Variants in SORCS1 observed in about 807,000 individuals in gnomAD.
SORCS1 encodes the protein VPS10 domain-containing receptor SorCS1.
A neutral mutation model predicts 146.1 loss-of-function variants in SORCS1; 60 were observed. The observed-to-expected ratio is 0.41, with a 90% CI of 0.33 to 0.51. SORCS1 has a LOEUF of 0.51. Ranked by LOEUF, SORCS1 falls within the 20% of genes least tolerant of loss-of-function variation. SORCS1 has a pLI of 0.21. For synonymous variants in SORCS1, 637 were observed against 584.0 expected (o/e 1.09, Z -1.31); for missense variants, 1,352 against 1,487.6 (o/e 0.91, Z 1.50).
chr10:106,957,477 T>C (rs769886133), intron 1 of SORCS1, among the ~76,000 whole-genome samples: 2 of 152,106 alleles, frequency 1.3e-5, no homozygotes, highest in Non-Finnish European at 2.9e-5. Context: ...TGGCCTAGCA[T>C]AGGATTCTTA....
intron 1 of SORCS1, among the ~76,000 whole-genome samples, chr10:107,058,310 G>A (rs544158235): frequency 1.6e-4 from 24 of 152,124 alleles, no homozygotes; most frequent in African/African-American, 5.5e-4. Context: ...CAAAGTGCTG[G>A]GATTACAGCC....
At chr10:106,863,746 A>G (rs1950115991) in intron 2 of SORCS1, among the ~76,000 whole-genome samples, 1 of 151,740 alleles carries the variant, frequency 6.6e-6, no homozygotes, top group Non-Finnish European at 1.5e-5. Context: ...CCATCACACT[A>G]GACACACTGA....
intron 1 of SORCS1, among the ~76,000 whole-genome samples, chr10:107,145,276 G>A (rs1243872597): frequency 6.6e-6 from 1 of 152,214 alleles, no homozygotes; most frequent in African/African-American, 2.4e-5. Context: ...AAAAGCGAAT[G>A]TGACTGAATT....
At chr10:106,950,059 G>A (rs955155900) in intron 2 of SORCS1, among the ~76,000 whole-genome samples, 3 of 152,100 alleles carry the variant, frequency 2.0e-5, no homozygotes, top group African/African-American at 7.2e-5. Flanking sequence ...AAACCACCAC[G>A]CTCTCCAATT....
intron 1 of SORCS1, among the ~76,000 whole-genome samples, chr10:107,153,069 C>T (rs1212827464): frequency 2.6e-5 from 4 of 151,922 alleles, no homozygotes; most frequent in Middle Eastern, 3.2e-3. Context: ...CTTCTCCCTC[C>T]TTCCCTCTCC....
intron 9 of SORCS1, among the ~76,000 whole-genome samples, chr10:106,691,191 G>A (rs1049287809): frequency 4.6e-5 from 7 of 152,178 alleles, no homozygotes; most frequent in African/African-American, 1.7e-4. Flanking sequence ...ATAGAGTGGA[G>A]CTAAGGGATG....
chr10:106,726,744 C>A (rs1856218532), intron 6 of SORCS1, among the ~76,000 whole-genome samples: 1 of 152,158 alleles, frequency 6.6e-6, no homozygotes, highest in Non-Finnish European at 1.5e-5. Flanking sequence ...CTACTCAAAG[C>A]ATGTTTCACA....
intron 23 of SORCS1, among the ~76,000 whole-genome samples, chr10:106,602,162 T>C (rs924169436): frequency 2.6e-5 from 4 of 152,212 alleles, no homozygotes; most frequent in Non-Finnish European, 5.9e-5. Flanking sequence ...AAAATGCAGA[T>C]GCAAATGGGC....
Position 106,852,644 on chromosome 10 carries a change from A to G in SORCS1, c.627-22971T>C, listed in dbSNP as rs534398864. ...CCCTGTCTCAAAAAAAAAAAAAAAA[A>G]AAAGAAAGAAAAGAAAAAGAAATTT... On this transcript the variant is annotated intron_variant, in intron 2 of 25. Coordinates refer to ENST00000263054, the MANE Select transcript of SORCS1 (RefSeq NM_052918.5). Among the ~76,000 whole-genome samples the G allele has an allele frequency of 3.2e-3, 475 of 149,792 alleles. 3 individuals are homozygous for G. Among genetic ancestry groups the G allele is most frequent in the Non-Finnish European group, 5.5e-3 (372 of 67,736 alleles).
chr10:107,088,541 G>A lies in SORCS1; in HGVS notation c.558+75428C>T, dbSNP rs140081636. 2.9e-4 allele frequency among the ~76,000 whole-genome samples: 44 copies of A among 152,260 alleles called. 1 individual carries two copies. The East Asian group carries it at 7.9e-3, about 27-fold the overall frequency. ...CAGGGGAAATAACGCAAATGGATAC[G>A]GCAGGCCAACGATGTAACAAAGTAG... On this transcript the variant is annotated intron_variant, in intron 1 of 25. Coordinates refer to ENST00000263054, the MANE Select transcript of SORCS1 (RefSeq NM_052918.5).
At chr10:106,681,108 C>G (rs1589651188) in intron 10 of SORCS1, among the ~76,000 whole-genome samples, 1 of 152,046 alleles carries the variant, frequency 6.6e-6, no homozygotes, top group East Asian at 1.9e-4. Flanking sequence ...GAAGACAGCC[C>G]CTATTAGAAG....
At chr10:106,726,746 T>C (rs188647707) in intron 6 of SORCS1, among the ~76,000 whole-genome samples, 1 of 152,278 alleles carries the variant, frequency 6.6e-6, no homozygotes, top group East Asian at 1.9e-4. Context: ...ACTCAAAGCA[T>C]GTTTCACAGA....
intron 22 of SORCS1, among the ~76,000 whole-genome samples, chr10:106,607,993 C>G (rs550633081): frequency 6.6e-6 from 1 of 152,338 alleles, no homozygotes; most frequent in East Asian, 1.9e-4. Context: ...AGATATCACT[C>G]AAGGACTTCT....
chr10:106,635,613 AG>A (rs1848683788), intron 18 of SORCS1, among the ~76,000 whole-genome samples: 1 of 152,142 alleles, frequency 6.6e-6, no homozygotes, highest in African/African-American at 2.4e-5. Context: ...CAAATTTAAA[AG>A]GGGGTAGAGT....
At chr10:106,757,413 G>C (rs1858732755) in intron 5 of SORCS1, among the ~76,000 whole-genome samples, 1 of 152,150 alleles carries the variant, frequency 6.6e-6, no homozygotes, top group Non-Finnish European at 1.5e-5. Flanking sequence ...TACGCTTGCT[G>C]AATTATCCTA....
rs1253190911 is a variant in SORCS1 at position 106,960,838 on chromosome 10, G to T, written c.559-4258C>A. On this transcript the variant is annotated intron_variant, in intron 1 of 25. Coordinates refer to ENST00000263054, the MANE Select transcript of SORCS1 (RefSeq NM_052918.5). This position sits in a 1 kb window ranked among gnomAD's most constrained non-coding sequence, Gnocchi z 4.4. ...TGCAGGAATGGGAGAGGGTCCAAGG[G>T]AGTGGGCAAGGGCTTCTTCTCCCAC... 6.6e-6 allele frequency among the ~76,000 whole-genome samples: 1 copy of T among 152,124 alleles called. No homozygotes were observed. Among genetic ancestry groups the T allele is most frequent in the Admixed American group, 6.6e-5 (1 of 15,264 alleles).
intron 9 of SORCS1, among the ~76,000 whole-genome samples, chr10:106,690,283 T>C: frequency 6.6e-6 from 1 of 152,194 alleles, no homozygotes; most frequent in Admixed American, 6.5e-5. Context: ...ATTACGTAAA[T>C]CAGAATTTCA....
intron 1 of SORCS1, among the ~76,000 whole-genome samples, chr10:107,021,407 G>A (rs375639885): frequency 2.7e-5 from 4 of 150,818 alleles, no homozygotes; most frequent in Middle Eastern, 3.4e-3. Flanking sequence ...CCAGCTACTC[G>A]GGAGACTGAG....
chr10:106,723,772 A>G (rs530937768), intron 6 of SORCS1, among the ~76,000 whole-genome samples: 1 of 152,188 alleles, frequency 6.6e-6, no homozygotes, highest in East Asian at 1.9e-4. Context: ...ACACATTCCT[A>G]TGCAGACACT....
Sources: gnomAD v4.1 joint callset for allele counts (sites outside exome capture counted in the v4.1 genomes callset) on GRCh38, gnomAD v4.1.1 for gene constraint, Gnocchi (gnomAD v3.1) non-coding constraint, MANE v1.5 for transcripts, NCBI Gene and HGNC (gene_info 2026-07-23, HGNC 2026-07-21) for gene names.